Variants in NRIP2 observed in about 807,000 individuals in gnomAD.
NRIP2 encodes the protein nuclear receptor interacting protein 2, also known as nuclear receptor-interacting protein 2.
NRIP2 carries 27 observed loss-of-function variants against 34.1 expected under a neutral mutation model. The observed-to-expected ratio is 0.79, with a 90% confidence interval of 0.58 to 1.09. NRIP2 has a LOEUF of 1.09. Among genes scored for constraint, NRIP2 ranks in the 50% least tolerant of loss-of-function variants. NRIP2 has a pLI of 0.00. For missense variants in NRIP2, 385 were observed against 352.6 expected (o/e 1.09, Z -0.74); for synonymous variants, 145 against 146.9 (o/e 0.99, Z 0.09).
At chr12:2,832,000 C>T (rs2153926271) in intron 1 of NRIP2, among the ~76,000 whole-genome samples, 1 of 152,234 alleles carries the variant, frequency 6.6e-6, no homozygotes, top group Non-Finnish European at 1.5e-5. Flanking sequence ...AGACCTGTTA[C>T]CTTTCAAATA....
In NRIP2 at chr12:2,834,624, G is replaced by T; in HGVS notation, c.342+18C>A. On this transcript the variant is annotated intron_variant, in intron 1 of 5. Coordinates refer to ENST00000337508, the MANE Select transcript of NRIP2 (RefSeq NM_031474.3). The stretch of plus-strand genomic sequence containing the variant: ...GAAAAGGCCAGGGGACGCTGGCAGG[G>T]GAGGGGTGATGCCTCACCAAGTCCT... 4 of 1,558,872 alleles carry T rather than the reference G, an allele frequency of 2.6e-6. No homozygotes were observed. In the South Asian group the frequency reaches 4.8e-5, roughly 19 times the overall value.
rs2097998329 is a variant in NRIP2 at position 2,830,874 on chromosome 12, A to G, written c.343-14T>C. The G allele has an allele frequency of 2.5e-6, 4 of 1,610,084 alleles. No homozygotes were observed. Among genetic ancestry groups the G allele is most frequent in the Non-Finnish European group, 1.7e-6 (2 of 1,178,264 alleles). On this transcript the variant is annotated splice_polypyrimidine_tract_variant and intron_variant, in intron 1 of 5. Coordinates refer to ENST00000337508, the MANE Select transcript of NRIP2 (RefSeq NM_031474.3). ...ACTGCGCGGCTGCTGGCTCCATCAC[A>G]AAACAATGAAGGTAGGCAGTTCTAA... is the stretch of plus-strand genomic sequence containing the variant.
In NRIP2 at chr12:2,827,149, C is replaced by T; in HGVS notation, c.*58G>A. 1 of 1,611,544 alleles carries T rather than the reference C, an allele frequency of 6.2e-7. No homozygotes were observed. Among genetic ancestry groups the T allele is most frequent in the South Asian group, 1.1e-5 (1 of 90,772 alleles). On this transcript the variant is annotated 3_prime_UTR_variant, in exon 6 of 6. Coordinates refer to ENST00000337508, the MANE Select transcript of NRIP2 (RefSeq NM_031474.3). The surrounding 1 kb of genome is among the most constrained non-coding windows in gnomAD (Gnocchi z 4.0). Reference sequence around the variant, plus strand: ...CCTGGCTTCAAGAGCCCCCGTTCCCCACACGCCTCTTCTTCTAAGGCAAGG... The same window carrying T: ...CCTGGCTTCAAGAGCCCCCGTTCCCTACACGCCTCTTCTTCTAAGGCAAGG...
Position 2,834,787 on chromosome 12 carries a change from G to GTCCTGGCTTCTCCCTCATCTC in NRIP2, c.176_196dup (p.Arg59_Arg65dup). The GTCCTGGCTTCTCCCTCATCTC allele has an allele frequency of 6.2e-7, 1 of 1,613,636 alleles. No individual in the cohort carries two copies. Among genetic ancestry groups the GTCCTGGCTTCTCCCTCATCTC allele is most frequent in the Non-Finnish European group, 8.5e-7 (1 of 1,179,938 alleles). On this transcript the variant is annotated inframe_insertion, in exon 1 of 6. Transcript: ENST00000337508. ...TCGAAGCTGTGCCTCCTGCCCCCTC[G>GTCCTGGCTTCTCCCTCATCTC]TCCTGGCTTCTCCCTCATCTCTCCT...
chr12:2,830,401 G>A (rs935544316), intron 2 of NRIP2: 2 of 242,428 alleles, frequency 8.2e-6, no homozygotes, highest in Non-Finnish European at 7.9e-6. Flanking sequence ...CCAGAATTAC[G>A]TTATCCATGC....
At position 2,827,766 on chromosome 12, in the gene NRIP2, C is replaced by A; in HGVS notation, c.701-89G>T. 6.2e-7 allele frequency: 1 copy of A among 1,609,314 alleles called. No homozygotes were observed. The highest frequency in any genetic ancestry group is 8.5e-7 in the Non-Finnish European group (1 of 1,178,262). On this transcript the variant is annotated intron_variant, in intron 4 of 5. Coordinates refer to ENST00000337508, the MANE Select transcript of NRIP2 (RefSeq NM_031474.3). The surrounding 1 kb of genome is among the most constrained non-coding windows in gnomAD (Gnocchi z 4.0). Reference sequence around the variant, plus strand: ...TTAGCCGTTGCTCCTTCTCTGCCCACCCCATCCCCAGATCCGAGGACACTG... The same window carrying A: ...TTAGCCGTTGCTCCTTCTCTGCCCAACCCATCCCCAGATCCGAGGACACTG...
Position 2,830,756 on chromosome 12 carries a change from C to G in NRIP2, c.447G>C (p.Arg149Ser), listed in dbSNP as rs1222206350. ...GAATCTCTGTCCTGCTGGTCTTCCTCCTGCTCTCCTGGCCATGAATCAGGT... is the reference window on the plus strand; with the variant it reads ...GAATCTCTGTCCTGCTGGTCTTCCTGCTGCTCTCCTGGCCATGAATCAGGT... The part of the protein sequence containing the change: ...MQDLIHGQES[R>S]RKTSRTEIPA... The change falls in exon 2 of 6, where the codon AGG becomes AGC. Residue 149 changes from arginine (R) to serine (S), a missense_variant. Transcript: ENST00000337508. 3 of 1,613,926 alleles carry G rather than the reference C, an allele frequency of 1.9e-6. No individual in the cohort carries two copies.
chr12:2,828,267 GA>G, intron 3 of NRIP2, 64 bp downstream of exon 3: 3 of 1,404,238 alleles, frequency 2.1e-6, no homozygotes, highest in Non-Finnish European at 2.0e-6. Context: ...TCTAATTTGA[GA>G]ATATTTTCAT....
In NRIP2 at chr12:2,828,372, G is replaced by A; in HGVS notation, c.538C>T (p.Gln180Ter). The change falls in exon 3 of 6, where the codon CAA becomes TAA. Residue 180 changes from glutamine (Q) to a stop codon, truncating the protein, a stop_gained. Coordinates refer to ENST00000337508, the MANE Select transcript of NRIP2 (RefSeq NM_031474.3). LOFTEE classifies it high-confidence loss of function. Reference protein sequence around the residue: ...LLRVAVDTGTQYNRISAGCLS... With the variant: ...LLRVAVDTGT The stretch of plus-strand genomic sequence containing the variant: ...CATCCAGCAGAGATCCGATTGTATT[G>A]GGTGCCTGTGTCAACGGCCACTCTA... The A allele has an allele frequency of 6.2e-7, 1 of 1,614,098 alleles. No homozygotes were observed. The highest frequency in any genetic ancestry group is 2.2e-5 in the East Asian group (1 of 44,870).
At position 2,827,156 on chromosome 12, in the gene NRIP2, C is replaced by T. The variant is rs757315613; in HGVS notation, c.*51G>A. ...TCAAGAGCCCCCGTTCCCCACACGCCTCTTCTTCTAAGGCAAGGTCTTTCC... is the reference window on the plus strand; with the variant it reads ...TCAAGAGCCCCCGTTCCCCACACGCTTCTTCTTCTAAGGCAAGGTCTTTCC... On this transcript the variant is annotated 3_prime_UTR_variant, in exon 6 of 6. Coordinates refer to ENST00000337508, the MANE Select transcript of NRIP2 (RefSeq NM_031474.3). The surrounding 1 kb of genome is among the most constrained non-coding windows in gnomAD (Gnocchi z 4.0). The T allele has an allele frequency of 2.0e-5, 32 of 1,612,728 alleles. No homozygotes were observed. The highest frequency in any genetic ancestry group is 2.7e-5 in the Non-Finnish European group (32 of 1,179,572).
At chr12:2,828,944 T>C (rs959409070) in intron 2 of NRIP2, among the ~76,000 whole-genome samples, 8 of 152,036 alleles carry the variant, frequency 5.3e-5, no homozygotes, top group African/African-American at 1.9e-4. Flanking sequence ...CGGTGGCTCA[T>C]GCTTGTAGTT....
chr12:2,830,735 C>T lies in NRIP2; in HGVS notation c.468G>A (p.Glu156=), dbSNP rs775325636. 6.2e-7 allele frequency: 1 copy of T among 1,613,252 alleles called. No homozygotes were observed. The highest frequency in any genetic ancestry group is 8.5e-7 in the Non-Finnish European group (1 of 1,179,568). ...QESRRKTSRT[E]IPALLVNCKC... The stretch of plus-strand genomic sequence containing the variant: ...TGCAGTTGACCAGAAGAGCTGGAAT[C>T]TCTGTCCTGCTGGTCTTCCTCCTGC... The change falls in exon 2 of 6, where the codon GAG becomes GAA. Residue 156 remains glutamate (E), a synonymous_variant. Transcript: ENST00000337508.
At chr12:2,832,397 C>G (rs1340564136) in intron 1 of NRIP2, among the ~76,000 whole-genome samples, 1 of 151,996 alleles carries the variant, frequency 6.6e-6, no homozygotes, top group African/African-American at 2.4e-5. Flanking sequence ...CTTTTTGCCT[C>G]CATGTCTTCA....
At chr12:2,830,156 T>G (rs1374996465) in intron 2 of NRIP2, 1 of 152,074 alleles carries the variant, frequency 6.6e-6, no homozygotes, top group Non-Finnish European at 1.5e-5. Flanking sequence ...TGTTTCCTAC[T>G]GGGGAAATCA....
In NRIP2 at chr12:2,826,884, G is replaced by C; in HGVS notation, c.*323C>G. On this transcript the variant is annotated 3_prime_UTR_variant, in exon 6 of 6. Transcript: ENST00000337508. ...AAGGACAGCAGTCAGCAGAGCCTTCGACCCAGCCCAAGCAGGCACCCCATT... is the reference window on the plus strand; with the variant it reads ...AAGGACAGCAGTCAGCAGAGCCTTCCACCCAGCCCAAGCAGGCACCCCATT... 2.4e-6 allele frequency: 2 copies of C among 817,704 alleles called. No homozygotes were observed. The highest frequency in any genetic ancestry group is 1.8e-5 in the African/African-American group (1 of 54,086). 50.7% of individuals were successfully genotyped at this position (817,704 alleles called of 1,614,324 possible). A position where few individuals can be genotyped will look rare whatever the true frequency, so the allele number is the denominator to read the frequency against.
At chr12:2,831,918 T>C (rs2098005233) in intron 1 of NRIP2, among the ~76,000 whole-genome samples, 1 of 152,168 alleles carries the variant, frequency 6.6e-6, no homozygotes, top group Non-Finnish European at 1.5e-5. Flanking sequence ...TTTCTGTTAC[T>C]GCCTGTGTTC....
At position 2,834,916 on chromosome 12, in the gene NRIP2, C is replaced by T. The variant is rs144911940; in HGVS notation, c.68G>A (p.Gly23Glu). The T allele has an allele frequency of 1.9e-6, 3 of 1,613,552 alleles. No homozygotes were observed. The highest frequency in any genetic ancestry group is 2.5e-6 in the Non-Finnish European group (3 of 1,179,808). ...PSCWKESCSTGQRQAGRSRED... is the reference protein window; with the variant it reads ...PSCWKESCSTEQRQAGRSRED... The stretch of plus-strand genomic sequence containing the variant: ...TCTGCTTCTTCCTGCCTGTCTCTGT[C>T]CCGTGCTGCAGCTCTCTTTCCAACA... The change falls in exon 1 of 6, where the codon GGA (glycine) becomes GAA (glutamate). Residue 23 changes from glycine (G) to glutamate (E), a missense_variant. Gly to Glu is a moderately conservative substitution (Grantham distance 98, BLOSUM62 -2). Transcript: ENST00000337508.
chr12:2,829,407 T>C (rs1335519877), intron 2 of NRIP2, among the ~76,000 whole-genome samples: 2 of 152,248 alleles, frequency 1.3e-5, no homozygotes, highest in Non-Finnish European at 1.5e-5. Context: ...CAATGAATGC[T>C]ATTCTTCAGG....
At chr12:2,831,596 C>T (rs1158374374) in intron 1 of NRIP2, among the ~76,000 whole-genome samples, 1 of 151,552 alleles carries the variant, frequency 6.6e-6, no homozygotes, top group East Asian at 1.9e-4. Flanking sequence ...AAAAAAAAAC[C>T]AAACAAAAAA....
Sources: allele counts gnomAD v4.1 joint callset (sites outside exome capture counted in the v4.1 genomes callset), GRCh38; gene constraint gnomAD v4.1.1; non-coding constraint Gnocchi (gnomAD v3.1); transcripts MANE v1.5; gene names NCBI Gene and HGNC (gene_info 2026-07-23, HGNC 2026-07-21).